Variants in PCDHGA4 observed in about 807,000 individuals in gnomAD.
PCDHGA4 encodes the protein protocadherin gamma-A4.
A neutral mutation model predicts 54.6 loss-of-function variants in PCDHGA4; 38 were observed. The observed-to-expected ratio is 0.70, with a 90% confidence interval of 0.54 to 0.91. PCDHGA4 has a LOEUF of 0.91. PCDHGA4 is among the 40% of genes least tolerant of loss of function. PCDHGA4 has a pLI of 0.00. For synonymous variants in PCDHGA4, 511 were observed against 512.9 expected, an observed-to-expected ratio of 1.00 and a Z score of 0.05; for missense variants, 1,298 against 1,220.9, an observed-to-expected ratio of 1.06 and a Z score of -0.94.
chr5:141,427,998 C>A, intron 1 of PCDHGA4: 1 of 1,600,956 alleles, frequency 6.2e-7, no homozygotes, highest in Non-Finnish European at 8.6e-7. Context: ...TGGCTCCGCA[C>A]TCTTCGATAT....
chr5:141,478,576 G>C (rs543160289), intron 1 of PCDHGA4: 3 of 1,585,598 alleles, frequency 1.9e-6, no homozygotes, highest in Middle Eastern at 3.3e-4. Flanking sequence ...GCTTGACCCT[G>C]TTAGTGCTTT....
intron 1 of PCDHGA4, chr5:141,430,634 C>A: frequency 1.1e-6 from 1 of 882,730 alleles, no homozygotes; most frequent in Non-Finnish European, 1.7e-6. Flanking sequence ...TGAACCATCC[C>A]TGGGAGTATG....
chr5:141,394,622 G>A (rs1472873845), intron 1 of PCDHGA4: 32 of 1,613,496 alleles, frequency 2.0e-5, no homozygotes, highest in Non-Finnish European at 2.6e-5. Flanking sequence ...AGAACGCCTG[G>A]CTGTCCTACC....
chr5:141,475,644 A>C (rs1021491842), intron 1 of PCDHGA4, among the ~76,000 whole-genome samples: 2 of 152,238 alleles, frequency 1.3e-5, no homozygotes, highest in Non-Finnish European at 2.9e-5. Context: ...TCTTGTGATC[A>C]AAGAAAGTGA....
chr5:141,439,652 T>G (rs1047430832), intron 1 of PCDHGA4, among the ~76,000 whole-genome samples: 1 of 152,208 alleles, frequency 6.6e-6, no homozygotes, highest in African/African-American at 2.4e-5. Context: ...GTGGCTTTTC[T>G]AATTTCATGG....
At chr5:141,361,087 A>T in intron 1 of PCDHGA4, 1 of 1,614,036 alleles carries the variant, frequency 6.2e-7, no homozygotes, top group Non-Finnish European at 8.5e-7. Flanking sequence ...TTACACTCTG[A>T]GTATCGAAGC....
intron 1 of PCDHGA4, chr5:141,428,334 C>T: frequency 1.6e-6 from 1 of 618,848 alleles, no homozygotes; most frequent in Non-Finnish European, 2.9e-6. Flanking sequence ...TTTCTATGCT[C>T]TTCTTCCTCG....
rs2154576188 is a variant in PCDHGA4 at position 141,477,933 on chromosome 5, T to C, written c.2515-16874T>C. ...GCGGATGCAGGGCACAATGCCTGGCTCTCCTACAGTCTCTTGGGATCCCCT... is the reference window on the plus strand; with the variant it reads ...GCGGATGCAGGGCACAATGCCTGGCCCTCCTACAGTCTCTTGGGATCCCCT... On this transcript the variant is annotated intron_variant, in intron 1 of 3. Coordinates refer to ENST00000571252, the MANE Select transcript of PCDHGA4 (RefSeq NM_018917.4). The surrounding 1 kb of genome is among the most constrained non-coding windows in gnomAD (Gnocchi z 4.9). 1.2e-6 allele frequency: 2 copies of C among 1,614,112 alleles called. No homozygotes were observed. Among genetic ancestry groups the C allele is most frequent in the Non-Finnish European group, 1.7e-6 (2 of 1,180,022 alleles).
At chr5:141,381,556 T>G (rs1777268817) in intron 1 of PCDHGA4, among the ~76,000 whole-genome samples, 1 of 152,200 alleles carries the variant, frequency 6.6e-6, no homozygotes, top group Admixed American at 6.5e-5. Context: ...TGAATTGAAT[T>G]GCATAATGAA....
intron 1 of PCDHGA4, among the ~76,000 whole-genome samples, chr5:141,407,680 C>A (rs2094967585): frequency 6.6e-6 from 1 of 151,942 alleles, no homozygotes; most frequent in Non-Finnish European, 1.5e-5. Flanking sequence ...CAAAGATTGG[C>A]TTTGTGGTGA....
chr5:141,427,991 C>T (rs748924488), intron 1 of PCDHGA4: 1 of 1,599,024 alleles, frequency 6.3e-7, no homozygotes, highest in Non-Finnish European at 8.6e-7. Context: ...GGCCCGATGG[C>T]TCCGCACTCT....
At chr5:141,497,713 T>C (rs1357797720) in intron 2 of PCDHGA4, among the ~76,000 whole-genome samples, 3 of 152,084 alleles carry the variant, frequency 2.0e-5, no homozygotes, top group Non-Finnish European at 1.5e-5. Context: ...CTCATTTTTG[T>C]ATTTTTAGTA....
intron 1 of PCDHGA4, among the ~76,000 whole-genome samples, chr5:141,370,065 A>G (rs960768866): frequency 6.6e-6 from 1 of 152,254 alleles, no homozygotes; most frequent in Non-Finnish European, 1.5e-5. Context: ...TCCTTTTAAA[A>G]TGGGAAGAAA....
At chr5:141,494,190 G>GAGAA (rs2099752701) in intron 1 of PCDHGA4, among the ~76,000 whole-genome samples, 1 of 152,186 alleles carries the variant, frequency 6.6e-6, no homozygotes, top group Non-Finnish European at 1.5e-5. Flanking sequence ...CCCGGGACTT[G>GAGAA]GATGCCCCGC....
At position 141,431,387 on chromosome 5, in the gene PCDHGA4, C is replaced by T; in HGVS notation, c.2515-63420C>T. The T allele has an allele frequency of 1.9e-6, 3 of 1,613,938 alleles. 1 individual carries two copies. The South Asian group carries it at 3.3e-5, about 18-fold the overall frequency. Reference sequence around the variant, plus strand: ...CCGCGAAGAAAAGGCTGCTCACCACCTGGTCCTTACGGCCTCCGACGGGGG... The same window carrying T: ...CCGCGAAGAAAAGGCTGCTCACCACTTGGTCCTTACGGCCTCCGACGGGGG... On this transcript the variant is annotated intron_variant, in intron 1 of 3. Coordinates refer to ENST00000571252, the MANE Select transcript of PCDHGA4 (RefSeq NM_018917.4). This position sits in a 1 kb window ranked among gnomAD's most constrained non-coding sequence, Gnocchi z 4.8.
At chr5:141,449,022 A>G (rs2154562454) in intron 1 of PCDHGA4, among the ~76,000 whole-genome samples, 1 of 152,312 alleles carries the variant, frequency 6.6e-6, no homozygotes, top group Admixed American at 6.5e-5. Context: ...GTTGCTTAGC[A>G]TTCCTTTGGA....
intron 1 of PCDHGA4, chr5:141,388,456 A>G: frequency 5.0e-6 from 8 of 1,613,810 alleles, no homozygotes; most frequent in Non-Finnish European, 5.9e-6. Flanking sequence ...GGCAGTAAAT[A>G]CCCTGAGATG....
chr5:141,359,844 A>C (rs1481453011), intron 1 of PCDHGA4, among the ~76,000 whole-genome samples: 1 of 152,184 alleles, frequency 6.6e-6, no homozygotes, highest in Non-Finnish European at 1.5e-5. Flanking sequence ...ACAAATGAAG[A>C]CTTTATAAAT....
chr5:141,443,216 C>T (rs758242896), intron 1 of PCDHGA4, among the ~76,000 whole-genome samples: 3 of 151,908 alleles, frequency 2.0e-5, no homozygotes, highest in South Asian at 2.1e-4. Context: ...TCTCGCCAGG[C>T]GCATCTATAA....
Sources: allele counts gnomAD v4.1 joint callset (sites outside exome capture counted in the v4.1 genomes callset), GRCh38; gene constraint gnomAD v4.1.1; non-coding constraint Gnocchi (gnomAD v3.1); transcripts MANE v1.5; gene names NCBI Gene and HGNC (gene_info 2026-07-23, HGNC 2026-07-21).